Variants in ACOT7 observed in about 807,000 individuals in gnomAD.
The protein encoded by ACOT7 is cytosolic acyl coenzyme A thioester hydrolase.
In ACOT7, 12 loss-of-function variants were observed where a neutral mutation model predicts 40.2. The ratio of observed to expected loss-of-function variants is 0.30; its 90% CI spans 0.19 to 0.48. The LOEUF is 0.48. Among genes scored for constraint, ACOT7 ranks in the 20% least tolerant of loss-of-function variants. The pLI, the probability that ACOT7 is intolerant of heterozygous loss-of-function variation, is 0.99. For synonymous variants in ACOT7, 228 were observed against 219.5 expected (o/e 1.04, Z -0.34); for missense variants, 395 against 530.8 (o/e 0.74, Z 2.51).
intron 1 of ACOT7, among the ~76,000 whole-genome samples, chr1:6,387,030 A>C (rs898357038): frequency 2.0e-5 from 3 of 152,190 alleles, no homozygotes; most frequent in African/African-American, 7.2e-5. Flanking sequence ...GGTGAAGAGA[A>C]ACTGCAGTGT....
At chr1:6,343,384 C>A (rs1231864003) in intron 2 of ACOT7, among the ~76,000 whole-genome samples, 1 of 152,216 alleles carries the variant, frequency 6.6e-6, no homozygotes, top group Admixed American at 6.5e-5. Flanking sequence ...CTGTCTGAGC[C>A]CTTTCCCAGG....
At chr1:6,393,230 G>A in intron 1 of ACOT7, 27 bp downstream of exon 1, 1 of 1,269,128 alleles carries the variant, frequency 7.9e-7, no homozygotes, top group Non-Finnish European at 9.9e-7. Context: ...CCTGGCCGCT[G>A]CAGGCTGCGC....
At chr1:6,285,940 T>C (rs1392626916) in intron 7 of ACOT7, among the ~76,000 whole-genome samples, 1 of 152,146 alleles carries the variant, frequency 6.6e-6, no homozygotes, top group Non-Finnish European at 1.5e-5. Flanking sequence ...TAGGCAAAGT[T>C]GGGACATTGC....
chr1:6,340,560 C>T (rs1258080957), intron 2 of ACOT7, among the ~76,000 whole-genome samples: 3 of 152,160 alleles, frequency 2.0e-5, no homozygotes, highest in Non-Finnish European at 4.4e-5. Context: ...TCTTTCCAGG[C>T]TTTTTTCCCA....
intron 1 of ACOT7, among the ~76,000 whole-genome samples, chr1:6,367,497 G>A (rs796426426): frequency 2.0e-5 from 3 of 152,310 alleles, no homozygotes; most frequent in African/African-American, 4.8e-5. Context: ...CATGGAGTAC[G>A]GCCACTGCAC....
At chr1:6,280,965 G>C in intron 8 of ACOT7, 137 bp downstream of exon 8, 10 of 1,233,824 alleles carry the variant, frequency 8.1e-6, no homozygotes, top group Non-Finnish European at 1.1e-5. Flanking sequence ...CACGGCAGTG[G>C]CCAGGCCCAG....
intron 1 of ACOT7, among the ~76,000 whole-genome samples, chr1:6,357,760 G>A (rs1205439580): frequency 1.3e-5 from 2 of 152,138 alleles, no homozygotes; most frequent in South Asian, 2.1e-4. Flanking sequence ...GACAAAACAG[G>A]CACGTGGATG....
intron 1 of ACOT7, among the ~76,000 whole-genome samples, chr1:6,386,665 C>T (rs1642445606): frequency 6.6e-6 from 1 of 152,072 alleles, no homozygotes; most frequent in Non-Finnish European, 1.5e-5. Flanking sequence ...AGACCTGCCT[C>T]GGCAACAAAG....
At chr1:6,327,229 C>T (rs772934390) in intron 5 of ACOT7, 70 bp downstream of exon 5, 313 of 1,491,462 alleles carry the variant, frequency 2.1e-4, no homozygotes, top group African/African-American at 7.9e-4. Flanking sequence ...CACGTAGGCC[C>T]GGCCTGCTCC....
chr1:6,393,328 G>C lies in ACOT7; in HGVS notation c.72C>G (p.Ala24=). The C allele has an allele frequency of 2.4e-6, 3 of 1,265,652 alleles. No homozygotes were observed. The highest frequency in any genetic ancestry group is 3.0e-6 in the Non-Finnish European group (3 of 1,005,776). The allele number at this position is 1,265,652 out of a possible 1,614,324, so 78.4% of individuals were successfully genotyped here. A position where few individuals can be genotyped will look rare whatever the true frequency, so the allele number is the denominator to read the frequency against. The change falls in exon 1 of 9, where the codon GCC becomes GCG. Residue 24 remains alanine, a synonymous_variant. Coordinates refer to ENST00000361521, the MANE Select transcript of ACOT7 (RefSeq NM_007274.4). Reference sequence around the variant, plus strand: ...TGCTGGGGGCTGCGGCGGCGGATGCGGCGGGCGGCTGCAGAAGGGCGCAGG... The same window carrying C: ...TGCTGGGGGCTGCGGCGGCGGATGCCGCGGGCGGCTGCAGAAGGGCGCAGG... The part of the protein sequence containing the change: ...PDTCALLQPP[A]ASAAAAPSMS...
intron 4 of ACOT7, 62 bp downstream of exon 4, chr1:6,333,415 C>G (rs1374282734): frequency 1.3e-6 from 2 of 1,579,394 alleles, no homozygotes; most frequent in Non-Finnish European, 8.7e-7. Flanking sequence ...CTCCCAACAT[C>G]AGGTGAGGTG....
chr1:6,345,312 T>C (rs542502123), intron 2 of ACOT7, among the ~76,000 whole-genome samples: 4 of 152,286 alleles, frequency 2.6e-5, no homozygotes, highest in Admixed American at 6.5e-5. Context: ...AGGCACTGGG[T>C]TCCTCATGGC....
Position 6,294,920 on chromosome 1 carries a change from G to A in ACOT7, c.773C>T (p.Thr258Ile), listed in dbSNP as rs779677519. ...GTCCACGGAAGCTGTGACGATGTTG[G>A]TCTTGCAGTGGCGTGCAGCCACGAT... ...AGIVAARHCK[T>I]NIVTASVDAI... is the part of the protein sequence containing the mutation. Residue 258 changes from threonine (T) to isoleucine (I), a missense_variant, in exon 7 of 9, where the codon ACC becomes ATC. This residue lies in a region of ACOT7 where 309 missense variants were observed against 470.3 expected (regional missense o/e 0.66). Coordinates refer to ENST00000361521, the MANE Select transcript of ACOT7 (RefSeq NM_007274.4). The surrounding 1 kb of genome is among the most constrained non-coding windows in gnomAD (Gnocchi z 4.6). 6.2e-7 allele frequency: 1 copy of A among 1,614,138 alleles called. No homozygotes were observed. The highest frequency in any genetic ancestry group is 1.6e-4 in the Middle Eastern group (1 of 6,062).
intron 1 of ACOT7, among the ~76,000 whole-genome samples, chr1:6,367,093 G>A (rs12078842): frequency 0.057 from 8,581 of 151,806 alleles, 356 homozygotes; most frequent in East Asian, 0.12. Flanking sequence ...CAGCTACTCG[G>A]GAGGCTGAGG....
In ACOT7 at chr1:6,393,520, G is replaced by A. The variant is rs973677532; in HGVS notation, c.-121C>T. The A allele has an allele frequency of 1.2e-5, 11 of 908,824 alleles. No homozygotes were observed. The African/African-American group carries it at 1.4e-4, about 12-fold the overall frequency. The allele number at this position is 908,824 out of a possible 1,614,324, so 56.3% of individuals were successfully genotyped here. On this transcript the variant is annotated 5_prime_UTR_variant, in exon 1 of 9. Coordinates refer to ENST00000361521, the MANE Select transcript of ACOT7 (RefSeq NM_007274.4). ...CCGCGCCGGCCCCACCCCGAGCCCCGCCTCCCAGGCCGCCAAGGCTGCAGA... is the reference window on the plus strand; with the variant it reads ...CCGCGCCGGCCCCACCCCGAGCCCCACCTCCCAGGCCGCCAAGGCTGCAGA...
rs1640143273 is a variant in ACOT7, at chr1:6,306,052, G to A, written c.713-11072C>T. 6.6e-6 allele frequency among the ~76,000 whole-genome samples: 1 copy of A among 152,050 alleles called. No homozygotes were observed. The highest frequency in any genetic ancestry group is 2.4e-5 in the African/African-American group (1 of 41,372). On this transcript the variant is annotated intron_variant, in intron 6 of 8. Transcript: ENST00000361521. The surrounding 1 kb of genome is among the most constrained non-coding windows in gnomAD (Gnocchi z 4.3). ...AAAAATACGAAAACCAGTCAGGCGT[G>A]GCGGCGCGCGCCTGCAATCGCAGGC... is the stretch of plus-strand genomic sequence containing the variant.
chr1:6,294,990 A>AAGGG lies in ACOT7; in HGVS notation c.713-14_713-11dup, dbSNP rs750629180. On this transcript the variant is annotated splice_polypyrimidine_tract_variant and intron_variant, in intron 6 of 8. Coordinates refer to ENST00000361521, the MANE Select transcript of ACOT7 (RefSeq NM_007274.4). The surrounding 1 kb of genome is among the most constrained non-coding windows in gnomAD (Gnocchi z 4.6). ...AGCTTCATGGTCACACCTGCGGAGA[A>AAGGG]AGGGACATGCGGCAGATGAGACACG... The AAGGG allele has an allele frequency of 4.0e-5, 64 of 1,603,396 alleles. 1 individual carries two copies. The African/African-American group carries it at 6.5e-4, about 16-fold the overall frequency.
rs1306240775 is a variant in ACOT7 at position 6,369,431 on chromosome 1, G to C, written c.144-19565C>G. 3.9e-5 allele frequency among the ~76,000 whole-genome samples: 5 copies of C among 127,006 alleles called. No individual in the cohort carries two copies. In the Admixed American group the frequency reaches 4.0e-4, roughly 10 times the overall value. 83.3% of individuals were successfully genotyped at this position (127,006 alleles called of 152,430 possible). A position where few individuals can be genotyped will look rare whatever the true frequency, so the allele number is the denominator to read the frequency against. ...TTTTTTTTTTTTTTTTGTAGAGAAG[G>C]AGGCTCACTCTGTCGCCCAGGCTGG... On this transcript the variant is annotated intron_variant, in intron 1 of 8. Coordinates refer to ENST00000361521, the MANE Select transcript of ACOT7 (RefSeq NM_007274.4).
rs1043899529 is a variant in ACOT7 at position 6,282,881 on chromosome 1, C to A, written c.830-1595G>T. 24 of 988,100 alleles carry A rather than the reference C, an allele frequency of 2.4e-5. No individual in the cohort carries two copies. The highest frequency in any genetic ancestry group is 3.3e-5 in the Non-Finnish European group (23 of 700,774). 61.2% of individuals were successfully genotyped at this position (988,100 alleles called of 1,614,324 possible). On this transcript the variant is annotated intron_variant, in intron 7 of 8. Coordinates refer to ENST00000361521, the MANE Select transcript of ACOT7 (RefSeq NM_007274.4). The surrounding 1 kb of genome is among the most constrained non-coding windows in gnomAD (Gnocchi z 4.5). The stretch of plus-strand genomic sequence containing the variant: ...GGGCAGGCCATGGGTCAGGCCCCAG[C>A]TAAGGAGCTAGAAGTTTCAACAGGT...
Sources: gnomAD v4.1 joint callset for allele counts (sites outside exome capture counted in the v4.1 genomes callset) on GRCh38, gnomAD v4.1.1 for gene constraint, gnomAD v4.1.1 regional missense constraint, Gnocchi (gnomAD v3.1) non-coding constraint, MANE v1.5 for transcripts, NCBI Gene and HGNC (gene_info 2026-07-23, HGNC 2026-07-21) for gene names.